Variants in PRAMEF11 observed in about 807,000 individuals in gnomAD.
PRAMEF11 encodes PRAME family member 11.
PRAMEF11 carries 17 observed loss-of-function variants against 33.6 expected under a neutral mutation model. The ratio of observed to expected loss-of-function variants is 0.51; its 90% CI spans 0.35 to 0.76. The LOEUF is 0.76. PRAMEF11 is among the 30% of genes least tolerant of loss of function. PRAMEF11 has a pLI of 0.01. For missense variants in PRAMEF11, 568 were observed against 567.0 expected, an observed-to-expected ratio of 1.00 and a Z score of -0.02; for synonymous variants, 205 against 227.3, an observed-to-expected ratio of 0.90 and a Z score of 0.88.
chr1:12,828,728 C>T lies in PRAMEF11; in HGVS notation c.62G>A (p.Arg21Lys). 1 of 1,610,246 alleles carries T rather than the reference C, an allele frequency of 6.2e-7. No individual in the cohort carries two copies. The highest frequency in any genetic ancestry group is 8.5e-7 in the Non-Finnish European group (1 of 1,178,052). The change falls in exon 2 of 4, where the codon AGG becomes AAG. Residue 21 changes from arginine to lysine, a missense_variant. Physicochemically the swap from Arg to Lys is conservative, Grantham distance 26 (BLOSUM62 2). This residue lies in a region of PRAMEF11 where 342 missense variants were observed against 312.0 expected (regional missense o/e 1.10). Coordinates refer to ENST00000619922, the MANE Select transcript of PRAMEF11 (RefSeq NM_001146344.3). ...GGTGGAGACGGCCAAGGCTTGGTCCCTCAGCAGGCTCCGCCCCGCAAGCTC... is the reference window on the plus strand; with the variant it reads ...GGTGGAGACGGCCAAGGCTTGGTCCTTCAGCAGGCTCCGCCCCGCAAGCTC... The part of the protein sequence containing the change: ...LLELAGRSLL[R>K]DQALAVSTLE...
Position 12,824,801 on chromosome 1 carries a change from C to G in PRAMEF11, c.*141G>C, listed in dbSNP as rs1230878832. The G allele has an allele frequency of 3.7e-6, 5 of 1,353,436 alleles. No individual in the cohort carries two copies. The highest frequency in any genetic ancestry group is 5.1e-6 in the Non-Finnish European group (5 of 985,086). 83.8% of individuals were successfully genotyped at this position (1,353,436 alleles called of 1,614,324 possible). ...CCCCCAAGTCCTGCCCCTGCTTGATCAGCTTTCCTTTCCCACTTTCAGAGC... is the reference window on the plus strand; with the variant it reads ...CCCCCAAGTCCTGCCCCTGCTTGATGAGCTTTCCTTTCCCACTTTCAGAGC... On this transcript the variant is annotated 3_prime_UTR_variant, in exon 4 of 4. Transcript: ENST00000619922.
At position 12,827,381 on chromosome 1, in the gene PRAMEF11, C is replaced by T. The variant is rs751345536; in HGVS notation, c.743G>A (p.Arg248His). Residue 248 changes from arginine to histidine, a missense_variant, in exon 3 of 4, where the codon CGC becomes CAC. Transcript: ENST00000619922. Reference protein sequence around the residue: ...KLVLSHMDVSRYVSPEQKKEI... With the variant: ...KLVLSHMDVSHYVSPEQKKEI... ...CTTCTTCTGCTCTGGGGAAACGTAG[C>T]GAGAGACATCCATGTGGGAGAGAAC... 4.6e-5 allele frequency: 73 copies of T among 1,602,982 alleles called. 2 individuals are homozygous for T. The highest frequency in any genetic ancestry group is 6.7e-5 in the African/African-American group (5 of 74,648).
rs766956052 is a variant in PRAMEF11 at position 12,825,018 on chromosome 1, A to T, written c.1361T>A (p.Leu454Ter). The change falls in exon 4 of 4, where the codon TTG becomes TAG. Residue 454 changes from leucine to a stop codon, truncating the protein, a stop_gained. Coordinates refer to ENST00000619922, the MANE Select transcript of PRAMEF11 (RefSeq NM_001146344.3). LOFTEE classifies it high-confidence loss of function. ...VRHLRHPKRI[L>*]FCTDNCPDHG... ...GTCAGGGCAGTTGTCAGTACAGAAC[A>T]AGATCCTCTTGGGGTGCCTTAAGTG... is the stretch of plus-strand genomic sequence containing the variant. The T allele has an allele frequency of 9.9e-6, 16 of 1,609,760 alleles. No individual in the cohort carries two copies. The highest frequency in any genetic ancestry group is 1.4e-5 in the Non-Finnish European group (16 of 1,177,788).
At chr1:12,828,893 C>T (rs61777006) in intron 1 of PRAMEF11, 88 bp from the exon 2 acceptor site, 3 of 1,571,064 alleles carry the variant, frequency 1.9e-6, no homozygotes, top group Non-Finnish European at 1.7e-6. Context: ...AGTCACTGCT[C>T]TGGCAATGGT....
At position 12,830,357 on chromosome 1, in the gene PRAMEF11, G is replaced by A. The variant is rs553624805; in HGVS notation, c.-17+999C>T. Among the ~76,000 whole-genome samples, 50 of 151,152 alleles carry A rather than the reference G, an allele frequency of 3.3e-4. 2 individuals carry two copies. Among genetic ancestry groups the A allele is most frequent in the African/African-American group, 1.1e-3 (46 of 41,308 alleles). ...GGCTAGAGTGCAGTGGTGTCATATC[G>A]GCTCACTGTTACCTCGGCCTCCAAG... is the stretch of plus-strand genomic sequence containing the variant. On this transcript the variant is annotated intron_variant, in intron 1 of 3. Transcript: ENST00000619922.
rs531631312 is a variant in PRAMEF11, at chr1:12,828,067, C to T, written c.294-237G>A. 4.7e-5 allele frequency among the ~76,000 whole-genome samples: 7 copies of T among 149,708 alleles called. 1 individual carries two copies. In the East Asian group the frequency reaches 1.4e-3, roughly 30 times the overall value. ...GTGGTGTGATGTCACCTCACTGCAA[C>T]CTCTTCTTCCCGGGTTCAAATGATT... is the stretch of plus-strand genomic sequence containing the variant. On this transcript the variant is annotated intron_variant, in intron 2 of 3. Transcript: ENST00000619922.
At chr1:12,830,309 G>C (rs1461445211) in intron 1 of PRAMEF11, among the ~76,000 whole-genome samples, 2 of 151,152 alleles carry the variant, frequency 1.3e-5, no homozygotes, top group East Asian at 3.9e-4. Flanking sequence ...TGTTGAGGGA[G>C]CTGAATCTCA....
Position 12,827,701 on chromosome 1 carries a change from T to C in PRAMEF11, c.423A>G (p.Pro141=), listed in dbSNP as rs781257174. ...KRNKKPVQDC[P]RMRGRQPLTV... ...TCAAGGGCTGCCGTCCTCTCATCCT[T>C]GGACAGTCCTGCACTGGTTTTTTGT... Residue 141 remains proline (P), a synonymous_variant, in exon 3 of 4, where the codon CCA becomes CCG. Coordinates refer to ENST00000619922, the MANE Select transcript of PRAMEF11 (RefSeq NM_001146344.3). 22 of 1,609,854 alleles carry C rather than the reference T, an allele frequency of 1.4e-5. No individual in the cohort carries two copies. The Admixed American group carries it at 3.7e-4, about 27-fold the overall frequency.
At chr1:12,829,189 A>G (rs1464242503) in intron 1 of PRAMEF11, among the ~76,000 whole-genome samples, 1 of 151,464 alleles carries the variant, frequency 6.6e-6, no homozygotes, top group Non-Finnish European at 1.5e-5. Context: ...GTTCCTAAAA[A>G]TAAGCTTGTT....
intron 2 of PRAMEF11, 127 bp downstream of exon 2, chr1:12,828,370 A>G (rs957910324): frequency 7.0e-7 from 1 of 1,426,250 alleles, no homozygotes; most frequent in Non-Finnish European, 9.5e-7. Context: ...GGAGCTGGTG[A>G]ATGGCCAAGT....
At position 12,824,816 on chromosome 1, in the gene PRAMEF11, A is replaced by C. The variant is rs1639820088; in HGVS notation, c.*126T>G. 7.0e-7 allele frequency: 1 copy of C among 1,430,796 alleles called. No homozygotes were observed. Among genetic ancestry groups the C allele is most frequent in the South Asian group, 1.3e-5 (1 of 77,870 alleles). The allele number at this position is 1,430,796 out of a possible 1,614,324, so 88.6% of individuals were successfully genotyped here. On this transcript the variant is annotated 3_prime_UTR_variant, in exon 4 of 4. Transcript: ENST00000619922. ...CCTGCTTGATCAGCTTTCCTTTCCCACTTTCAGAGCCCATGTGTGAAACGA... is the reference window on the plus strand; with the variant it reads ...CCTGCTTGATCAGCTTTCCTTTCCCCCTTTCAGAGCCCATGTGTGAAACGA...
In PRAMEF11 at chr1:12,827,425, C is replaced by A. The variant is rs1224156630; in HGVS notation, c.699G>T (p.Leu233Phe). 2 of 1,607,488 alleles carry A rather than the reference C, an allele frequency of 1.2e-6. No homozygotes were observed. The highest frequency in any genetic ancestry group is 1.3e-5 in the African/African-American group (1 of 74,670). ...LTQFTPYLGHLRNLQKLVLSH... is the reference protein window; with the variant it reads ...LTQFTPYLGHFRNLQKLVLSH... ...AGAGAACGAGCTTCTGAAGATTCCT[C>A]AAGTGGCCCAGGTATGGGGTAAACT... The change falls in exon 3 of 4, where the codon TTG (leucine) becomes TTT (phenylalanine). Residue 233 changes from leucine (L) to phenylalanine (F), a missense_variant. Coordinates refer to ENST00000619922, the MANE Select transcript of PRAMEF11 (RefSeq NM_001146344.3).
chr1:12,825,645 G>A, intron 3 of PRAMEF11, 142 bp from the exon 4 acceptor site: 1 of 577,344 alleles, frequency 1.7e-6, no homozygotes, highest in Non-Finnish European at 3.1e-6. Flanking sequence ...CAACACTTCG[G>A]ATGATGTGTG....
intron 1 of PRAMEF11, among the ~76,000 whole-genome samples, chr1:12,829,448 C>A (rs148375137): frequency 0.022 from 3,159 of 143,976 alleles, 88 homozygotes; most frequent in East Asian, 0.05. Context: ...GTCACCCAGC[C>A]TGGAGTGTAG....
At chr1:12,827,961 C>G in intron 2 of PRAMEF11, 131 bp from the exon 3 acceptor site, 1 of 1,503,782 alleles carries the variant, frequency 6.6e-7, no homozygotes, top group South Asian at 1.2e-5. Context: ...CCCTGTTTTC[C>G]CCTTGGATCC....
rs755110408 is a variant in PRAMEF11 at position 12,828,630 on chromosome 1, G to C, written c.160C>G (p.Leu54Val). 5.6e-6 allele frequency: 9 copies of C among 1,609,936 alleles called. No individual in the cohort carries two copies. In the African/African-American group the frequency reaches 1.1e-4, roughly 19 times the overall value. The change falls in exon 2 of 4, where the codon CTG (leucine) becomes GTG (valine). Residue 54 changes from leucine (L) to valine (V), a missense_variant. Coordinates refer to ENST00000619922, the MANE Select transcript of PRAMEF11 (RefSeq NM_001146344.3). ...GGCCAGGCCTGCACCATCAGCTTCA[G>C]GGCCTCACAGCGTCTCCTGCTGAAG... ...EAFSRRRCEALKLMVQAWPFR... is the reference protein window; with the variant it reads ...EAFSRRRCEAVKLMVQAWPFR...
intron 1 of PRAMEF11, among the ~76,000 whole-genome samples, chr1:12,830,460 T>C (rs1479985861): frequency 3.3e-5 from 5 of 151,220 alleles, no homozygotes; most frequent in Non-Finnish European, 7.4e-5. Flanking sequence ...ATGTCTCCAT[T>C]TGGGTGGAAG....
At position 12,829,005 on chromosome 1, in the gene PRAMEF11, G is replaced by C. The variant is rs958356297; in HGVS notation, c.-16-200C>G. On this transcript the variant is annotated intron_variant, in intron 1 of 3. Transcript: ENST00000619922. ...AGCATGAGCGTCTCCGAAGCAGTGAGGAAGCAGGGCCACCACGAGCCCTTC... is the reference window on the plus strand; with the variant it reads ...AGCATGAGCGTCTCCGAAGCAGTGACGAAGCAGGGCCACCACGAGCCCTTC... Among the ~76,000 whole-genome samples the C allele has an allele frequency of 1.5e-3, 233 of 151,746 alleles. 2 individuals are homozygous for C. The highest frequency in any genetic ancestry group is 5.4e-3 in the African/African-American group (223 of 41,390).
rs4989318 is a variant in PRAMEF11, at chr1:12,825,123, T to G, written c.1256A>C (p.Gln419Pro). Residue 419 changes from glutamine to proline, a missense_variant, in exon 4 of 4, where the codon CAG (glutamine) becomes CCG (proline). Physicochemically the swap from Gln to Pro is moderately conservative, Grantham distance 76. Transcript: ENST00000619922. ...AGTACCATCAGCACCATAACTTTCC[T>G]GCGGGGCAGGATACAGCTCCAGGCA... ...NLCLELYPAPQESYGADGTLC... is the reference protein window; with the variant it reads ...NLCLELYPAPPESYGADGTLC... 5 of 1,609,404 alleles carry G rather than the reference T, an allele frequency of 3.1e-6. No homozygotes were observed. Among genetic ancestry groups the G allele is most frequent in the Non-Finnish European group, 4.2e-6 (5 of 1,177,682 alleles).
Sources: allele counts gnomAD v4.1 joint callset (sites outside exome capture counted in the v4.1 genomes callset), GRCh38; gene constraint gnomAD v4.1.1; regional missense constraint gnomAD v4.1.1; transcripts MANE v1.5; gene names NCBI Gene and HGNC (gene_info 2026-07-23, HGNC 2026-07-21).